C13orf46: variants seen among roughly 807,000 people sequenced by gnomAD.
C13orf46 encodes the protein chromosome 13 open reading frame 46.
chr13:113,939,352 C>CCCGATGGGG, the C13orf46 span, among the ~76,000 whole-genome samples: 1 of 148,494 alleles, frequency 6.7e-6, no homozygotes, highest in Non-Finnish European at 1.5e-5. Flanking sequence ...ACAGAGACCA[C>CCCGATGGGG]CCGATGGGGA....
At chr13:113,944,394 C>T in the C13orf46 span, among the ~76,000 whole-genome samples, 2 of 152,262 alleles carry the variant, frequency 1.3e-5, no homozygotes, top group Non-Finnish European at 2.9e-5. Context: ...CAGGTTGCTG[C>T]TGGATGGGCT....
At chr13:113,942,793 A>T in the C13orf46 span, among the ~76,000 whole-genome samples, 6 of 152,150 alleles carry the variant, frequency 3.9e-5, no homozygotes, top group African/African-American at 1.4e-4. Flanking sequence ...TCAGCCAGTT[A>T]CTGTGCCCTT....
rs1400455520 is a variant in C13orf46, at chr13:113,962,247, CA to C, written c.572+2679del. Among the ~76,000 whole-genome samples, 12 of 152,010 alleles carry C rather than the reference CA, an allele frequency of 7.9e-5. No homozygotes were observed. In the South Asian group the frequency reaches 1.0e-3, roughly 13 times the overall value. ...CGAAACCCTGGCTCTACTAAAAATA[CA>C]AAAAAAATCTAGCTGGGCGTGGTGG... On this transcript the variant is annotated intron_variant, in intron 6 of 6. Coordinates refer to ENST00000636427, the MANE Select transcript of C13orf46 (RefSeq NM_001365455.2).
chr13:113,963,442 CG>C (rs2052606574), intron 6 of C13orf46, among the ~76,000 whole-genome samples: 1 of 134,750 alleles, frequency 7.4e-6, no homozygotes, highest in African/African-American at 2.8e-5. Context: ...TCCTCAGCCT[CG>C]GCCCCTGTCC....
chr13:113,955,917 G>A lies in C13orf46; in HGVS notation c.*856C>T, dbSNP rs1456551896. Reference sequence around the variant, plus strand: ...AGGAGGAGCATCTCGCAGAGAGGAGGAGCATCTCGCGGAGACGAGGAGCAT... The same window carrying A: ...AGGAGGAGCATCTCGCAGAGAGGAGAAGCATCTCGCGGAGACGAGGAGCAT... On this transcript the variant is annotated 3_prime_UTR_variant, in exon 7 of 7. Transcript: ENST00000636427. 6.4e-6 allele frequency: 1 copy of A among 157,346 alleles called. No individual in the cohort carries two copies. Among genetic ancestry groups the A allele is most frequent in the African/African-American group, 2.5e-5 (1 of 39,768 alleles). The allele number at this position is 157,346 out of a possible 1,614,324, so 9.7% of individuals were successfully genotyped here.
the C13orf46 span, among the ~76,000 whole-genome samples, chr13:113,943,550 T>C: frequency 1.3e-5 from 2 of 152,142 alleles, no homozygotes; most frequent in Admixed American, 6.5e-5. Flanking sequence ...CTGTGAAATG[T>C]TTCTCATCAG....
At chr13:113,966,699 G>C (rs1312319440) in intron 5 of C13orf46, among the ~76,000 whole-genome samples, 1 of 151,758 alleles carries the variant, frequency 6.6e-6, no homozygotes, top group Non-Finnish European at 1.5e-5. Flanking sequence ...AATGATGATG[G>C]TGATAATGTT....
chr13:113,927,799 G>T, the C13orf46 span: 7 of 394,060 alleles, frequency 1.8e-5, no homozygotes. Context: ...TTCATAGCCA[G>T]GGTCGCTCTG....
the C13orf46 span, among the ~76,000 whole-genome samples, chr13:113,948,224 G>A: frequency 4.6e-5 from 7 of 152,226 alleles, no homozygotes; most frequent in Admixed American, 6.5e-5. Flanking sequence ...CCACAGCACC[G>A]GTTCAAGACC....
chr13:113,937,702 G>A, the C13orf46 span, among the ~76,000 whole-genome samples: 3 of 152,164 alleles, frequency 2.0e-5, no homozygotes, highest in Admixed American at 6.5e-5. Context: ...ACGCTGGTTC[G>A]GTCCGGAAAG....
At chr13:113,946,266 G>A in the C13orf46 span, among the ~76,000 whole-genome samples, 4 of 152,176 alleles carry the variant, frequency 2.6e-5, no homozygotes, top group Non-Finnish European at 5.9e-5. Flanking sequence ...AGAACTTGAT[G>A]AAAGCTCATC....
At chr13:113,931,029 G>A in the C13orf46 span, among the ~76,000 whole-genome samples, 1 of 152,188 alleles carries the variant, frequency 6.6e-6, no homozygotes, top group African/African-American at 2.4e-5. Context: ...AGATGAGGGA[G>A]GGACCCGGGG....
At chr13:113,938,618 C>T in the C13orf46 span, among the ~76,000 whole-genome samples, 4 of 152,192 alleles carry the variant, frequency 2.6e-5, no homozygotes, top group Admixed American at 2.6e-4. Context: ...AACCTAGTTC[C>T]CCCTGCAAGG....
chr13:113,971,564 C>T (rs2052705646), intron 1 of C13orf46, among the ~76,000 whole-genome samples: 1 of 152,204 alleles, frequency 6.6e-6, no homozygotes, highest in South Asian at 2.1e-4. Flanking sequence ...CTCTGGGCTG[C>T]CCTCCGTGAG....
At chr13:113,973,781 C>G (rs560618833) in intron 1 of C13orf46, 27 bp downstream of exon 1, 1 of 152,356 alleles carries the variant, frequency 6.6e-6, no homozygotes, top group African/African-American at 2.4e-5. Flanking sequence ...GCCGTCCACC[C>G]GCTCCCCGCG....
At chr13:113,946,055 T>TCCAGTTCACC in the C13orf46 span, among the ~76,000 whole-genome samples, 1 of 152,132 alleles carries the variant, frequency 6.6e-6, no homozygotes, top group East Asian at 1.9e-4. Context: ...TCACCGTGAG[T>TCCAGTTCACC]GAATGCCGCG....
the C13orf46 span, among the ~76,000 whole-genome samples, chr13:113,939,249 C>T: frequency 9.8e-5 from 15 of 152,334 alleles, no homozygotes; most frequent in South Asian, 4.1e-4. Flanking sequence ...CCCTTCCCCC[C>T]GCCCCGGTGA....
chr13:113,945,654 AAGAAAGAAAGAAAG>A, the C13orf46 span, among the ~76,000 whole-genome samples: 1 of 138,912 alleles, frequency 7.2e-6, no homozygotes, highest in African/African-American at 2.6e-5. Flanking sequence ...GAAAGAAAGA[AAGAAAGAAAGAAAG>A]AAAGGAAAGA....
chr13:113,953,337 C>T (rs1458995130), downstream of C13orf46, among the ~76,000 whole-genome samples: 1 of 152,222 alleles, frequency 6.6e-6, no homozygotes, highest in African/African-American at 2.4e-5. Context: ...TGCCCAGAAT[C>T]AAGGCTCAGA....
Sources: gnomAD v4.1 joint callset for allele counts (sites outside exome capture counted in the v4.1 genomes callset) on GRCh38, gnomAD v4.1.1 for gene constraint, MANE v1.5 for transcripts, NCBI Gene and HGNC (gene_info 2026-07-23, HGNC 2026-07-21) for gene names.